ARHGEF28: variants seen among roughly 807,000 people sequenced by gnomAD.
ARHGEF28 encodes the protein 190 kDa guanine nucleotide exchange factor.
ARHGEF28 carries 152 observed loss-of-function variants against 206.6 expected under a neutral mutation model. The observed-to-expected ratio is 0.74, with a 90% CI of 0.64 to 0.84. The LOEUF (loss-of-function observed/expected upper bound fraction) is 0.84, where lower values mean the gene tolerates loss of function less well. Among genes scored for constraint, ARHGEF28 ranks in the 40% least tolerant of loss-of-function variants. The pLI is 0.00. For synonymous variants in ARHGEF28, 763 were observed against 776.4 expected (o/e 0.98, Z 0.29); for missense variants, 2,028 against 2,073.2 (o/e 0.98, Z 0.42).
Position 73,901,236 on chromosome 5 carries a change from G to A in ARHGEF28, c.4026G>A (p.Gly1342=), listed in dbSNP as rs780452048. 5.6e-6 allele frequency: 9 copies of A among 1,613,388 alleles called. No homozygotes were observed. The highest frequency in any genetic ancestry group is 5.3e-5 in the African/African-American group (4 of 74,870). Residue 1342 remains glycine, a synonymous_variant, in exon 31 of 36, where the codon GGG becomes GGA. Transcript: ENST00000513042. ...GAGGCTGTTCGGATGTGGATCCCGG[G>A]ATCCAGGGTGTGGTAACCGACTTGG... ...EGRGCSDVDP[G]IQGVVTDLAV...
chr5:73,771,782 C>T (rs545814888), intron 4 of ARHGEF28, among the ~76,000 whole-genome samples: 1 of 152,052 alleles, frequency 6.6e-6, no homozygotes, highest in Non-Finnish European at 1.5e-5. Flanking sequence ...ACTTTTTATT[C>T]AAAGGAGTAT....
rs1762760248 is a variant in ARHGEF28, at chr5:73,909,612, G to A, written c.4362G>A (p.Trp1454Ter). 1.3e-6 allele frequency: 2 copies of A among 1,552,912 alleles called. No homozygotes were observed. The highest frequency in any genetic ancestry group is 1.7e-6 in the Non-Finnish European group (2 of 1,148,460). ...QHQLQQEQRRWLRRCEQQQRA... is the reference protein window; with the variant it reads ...QHQLQQEQRR The stretch of plus-strand genomic sequence containing the variant: ...AGCTCCAGCAGGAGCAGCGGCGCTG[G>A]CTGCGCAGGTGTGAGCAGCAGCAGC... Residue 1454 changes from tryptophan to a stop codon, truncating the protein, a stop_gained, in exon 34 of 36, where the codon TGG (tryptophan) becomes TGA (stop). Coordinates refer to ENST00000513042, the MANE Select transcript of ARHGEF28 (RefSeq NM_001177693.2). LOFTEE classifies it high-confidence loss of function.
chr5:73,929,588 C>A (rs1345319832), intron 35 of ARHGEF28, among the ~76,000 whole-genome samples: 1 of 152,028 alleles, frequency 6.6e-6, no homozygotes, highest in South Asian at 2.1e-4. Flanking sequence ...AAGTTTTAAT[C>A]GTGAATATTT....
chr5:73,766,121 T>C (rs1353576296), intron 4 of ARHGEF28, among the ~76,000 whole-genome samples: 1 of 147,502 alleles, frequency 6.8e-6, no homozygotes, highest in Non-Finnish European at 1.5e-5. Context: ...GCCACTGCAA[T>C]CCGGCCTGGG....
chr5:73,731,801 G>A, intron 2 of ARHGEF28, among the ~76,000 whole-genome samples: 1 of 152,108 alleles, frequency 6.6e-6, no homozygotes. Flanking sequence ...AAATGATACA[G>A]TTTTTCTTTA....
chr5:73,722,000 C>T (rs2879519), intron 2 of ARHGEF28, among the ~76,000 whole-genome samples: 2,183 of 152,210 alleles, frequency 0.014, 38 homozygotes, highest in African/African-American at 0.05. Context: ...GGTTTAGGCA[C>T]ACAATATCTA....
At position 73,753,005 on chromosome 5, in the gene ARHGEF28, A is replaced by G. The variant is rs1444542873; in HGVS notation, c.278A>G (p.Asp93Gly). ...TMGSGSVTYV[D>G]NMACRLARLL... ...GGCTCTGGCTCAGTGACCTACGTGG[A>G]CAACATGGCTTGCAGGCTGGCTCGT... Residue 93 changes from aspartate (D) to glycine (G), a missense_variant, in exon 4 of 36, where the codon GAC (aspartate) becomes GGC (glycine). By Grantham distance (94) the Asp-to-Gly change is moderately conservative. Coordinates refer to ENST00000513042, the MANE Select transcript of ARHGEF28 (RefSeq NM_001177693.2). 1 of 1,613,482 alleles carries G rather than the reference A, an allele frequency of 6.2e-7. No homozygotes were observed. Among genetic ancestry groups the G allele is most frequent in the Admixed American group, 1.7e-5 (1 of 59,970 alleles).
At chr5:73,859,917 T>G (rs1759287397) in intron 16 of ARHGEF28, among the ~76,000 whole-genome samples, 1 of 152,206 alleles carries the variant, frequency 6.6e-6, no homozygotes, top group African/African-American at 2.4e-5. Context: ...ATTTCTTCAT[T>G]AACCATCTGC....
intron 1 of ARHGEF28, among the ~76,000 whole-genome samples, chr5:73,679,468 G>A (rs955341243): frequency 6.6e-6 from 1 of 151,642 alleles, no homozygotes; most frequent in African/African-American, 2.4e-5. Flanking sequence ...TTGGGAGGCT[G>A]AGGCAGGAGA....
rs368863869 is a variant in ARHGEF28, at chr5:73,840,581, C to T, written c.1248C>T (p.His416=). 17 of 1,613,878 alleles carry T rather than the reference C, an allele frequency of 1.1e-5. No individual in the cohort carries two copies. The African/African-American group carries it at 1.9e-4, about 18-fold the overall frequency. ...GCTLWPQSSK[H]TLPTETSPSV... The stretch of plus-strand genomic sequence containing the variant: ...CTCTGTGGCCTCAGAGCAGCAAACA[C>T]ACCCTTCCTACAGAAACCAGTCCCA... The change falls in exon 11 of 36, where the codon CAC becomes CAT. Residue 416 remains histidine (H), a synonymous_variant. Transcript: ENST00000513042.
intron 4 of ARHGEF28, among the ~76,000 whole-genome samples, chr5:73,763,191 C>A (rs1006627303): frequency 6.6e-6 from 1 of 152,132 alleles, no homozygotes; most frequent in Admixed American, 6.5e-5. Flanking sequence ...ATGGCAGCAT[C>A]TTTTATACTG....
intron 2 of ARHGEF28, among the ~76,000 whole-genome samples, chr5:73,730,534 ATTTTTTTTT>A (rs968990208): frequency 4.3e-5 from 5 of 117,418 alleles, no homozygotes; most frequent in South Asian, 2.7e-4. Context: ...CATAAGGAGG[ATTTTTTTTT>A]TTTTTTTTTT....
intron 9 of ARHGEF28, among the ~76,000 whole-genome samples, chr5:73,815,445 A>G (rs1756143286): frequency 6.6e-6 from 1 of 152,208 alleles, no homozygotes; most frequent in African/African-American, 2.4e-5. Flanking sequence ...GGGAGGAGAT[A>G]CACAAAGTCA....
At chr5:73,705,313 G>A (rs750448309) in intron 2 of ARHGEF28, among the ~76,000 whole-genome samples, 2 of 152,130 alleles carry the variant, frequency 1.3e-5, no homozygotes, top group Non-Finnish European at 2.9e-5. Context: ...ACCTCTTTGC[G>A]TTACACTCTT....
At position 73,779,269 on chromosome 5, in the gene ARHGEF28, C is replaced by T. The variant is rs965603561; in HGVS notation, c.841-1407C>T. ...TAGGAAATTAAATAATAGGCAAACT[C>T]GTAGCCGTATCTTTTAATCACTTTT... On this transcript the variant is annotated intron_variant, in intron 6 of 35. Coordinates refer to ENST00000513042, the MANE Select transcript of ARHGEF28 (RefSeq NM_001177693.2). Among the ~76,000 whole-genome samples the T allele has an allele frequency of 5.9e-5, 9 of 152,290 alleles. No individual in the cohort carries two copies. In the South Asian group the frequency reaches 6.2e-4, roughly 11 times the overall value.
chr5:73,927,685 G>A (rs1763897240), intron 35 of ARHGEF28, among the ~76,000 whole-genome samples: 2 of 152,024 alleles, frequency 1.3e-5, no homozygotes, highest in African/African-American at 4.8e-5. Context: ...TTGCTGTTTT[G>A]GTACTTTAAG....
intron 2 of ARHGEF28, among the ~76,000 whole-genome samples, chr5:73,741,575 A>C (rs1463576244): frequency 1.3e-5 from 2 of 151,068 alleles, no homozygotes; most frequent in East Asian, 3.9e-4. Flanking sequence ...GTGCGCCACC[A>C]AGCCCAGCTA....
chr5:73,930,880 G>A (rs2112023348), intron 35 of ARHGEF28, among the ~76,000 whole-genome samples: 1 of 152,188 alleles, frequency 6.6e-6, no homozygotes, highest in Admixed American at 6.5e-5. Flanking sequence ...ATATGGACTT[G>A]TTGCTCTCCA....
chr5:73,731,653 A>G (rs1053427039), intron 2 of ARHGEF28, among the ~76,000 whole-genome samples: 14 of 152,100 alleles, frequency 9.2e-5, no homozygotes, highest in Non-Finnish European at 1.2e-4. Context: ...TTTTAAAGTC[A>G]TGTGTCTCTG....
Sources: allele counts gnomAD v4.1 joint callset (sites outside exome capture counted in the v4.1 genomes callset), GRCh38; gene constraint gnomAD v4.1.1; transcripts MANE v1.5; gene names NCBI Gene and HGNC (gene_info 2026-07-23, HGNC 2026-07-21).